The following C6orf132 variants were observed in gnomAD, a reference collection of about 807,000 sequenced individuals.
C6orf132 encodes uncharacterized protein C6orf132.
C6orf132 carries 43 observed loss-of-function variants against 65.3 expected under a neutral mutation model. The ratio of observed to expected loss-of-function variants is 0.66; its 90% CI spans 0.52 to 0.85. The LOEUF (loss-of-function observed/expected upper bound fraction) is 0.85. Among genes scored for constraint, C6orf132 ranks in the 40% least tolerant of loss-of-function variants. The probability of loss-of-function intolerance (pLI) is 0.00; values close to 1 mark genes in which losing one functional copy is unlikely to be tolerated. For synonymous variants in C6orf132, 631 were observed against 654.1 expected, an observed-to-expected ratio of 0.96 and a Z score of 0.54; for missense variants, 1,488 against 1,548.8, an observed-to-expected ratio of 0.96 and a Z score of 0.66.
chr6:42,129,858 C>G (rs1766825024), intron 1 of C6orf132, among the ~76,000 whole-genome samples: 2 of 152,216 alleles, frequency 1.3e-5, no homozygotes, highest in African/African-American at 4.8e-5. Context: ...AGTCTGCTAA[C>G]TGGGACATTG....
At position 42,110,548 on chromosome 6, in the gene C6orf132, T is replaced by C. The variant is rs544889763; in HGVS notation, c.253-257A>G. ...CATAGTATTAGTAAATACTGACCCG[T>C]TGCTCCTAGGGGAAATACAGGGTTA... On this transcript the variant is annotated intron_variant, in intron 2 of 4. Coordinates refer to ENST00000341865, the MANE Select transcript of C6orf132 (RefSeq NM_001164446.3). Among the ~76,000 whole-genome samples, 7 of 152,366 alleles carry C rather than the reference T, an allele frequency of 4.6e-5. No homozygotes were observed. The South Asian group carries it at 1.4e-3, about 32-fold the overall frequency.
At chr6:42,115,660 A>G (rs1766554826) in intron 2 of C6orf132, among the ~76,000 whole-genome samples, 1 of 152,210 alleles carries the variant, frequency 6.6e-6, no homozygotes, top group Non-Finnish European at 1.5e-5. Flanking sequence ...AAATAAAATA[A>G]ATAAATAAAT....
rs9394863 is a variant in C6orf132, at chr6:42,105,251, G to A, written c.2661C>T (p.Gly887=). 132,687 of 1,537,094 alleles carry A rather than the reference G, an allele frequency of 0.086. 9,783 individuals are homozygous for A. Among genetic ancestry groups the A allele is most frequent in the African/African-American group, 0.29 (21,536 of 73,098 alleles). Residue 887 remains glycine (G), a synonymous_variant, in exon 4 of 5, where the codon GGC becomes GGT. Coordinates refer to ENST00000341865, the MANE Select transcript of C6orf132 (RefSeq NM_001164446.3). ...GCACCACAGTGAAGGAGTTGGGCGT[G>A]CCCTGGCTGTGGAAGATGCTGTCAG... ...ASSDSIFHSQ[G]TPNSFTVVPK... is the part of the protein sequence containing the mutation.
chr6:42,105,113 G>T lies in C6orf132; in HGVS notation c.2799C>A (p.His933Gln). Residue 933 changes from histidine to glutamine, a missense_variant, in exon 4 of 5, where the codon CAC (histidine) becomes CAA (glutamine). Coordinates refer to ENST00000341865, the MANE Select transcript of C6orf132 (RefSeq NM_001164446.3). ...CCTGGGGCTCTGGCTTTGTCCAGTT[G>T]TGCCTGCGGCTCAGCTCTGTGCCCT... ...DAEGTELSRR[H>Q]NWTKPEPQAP... 1 of 1,536,986 alleles carries T rather than the reference G, an allele frequency of 6.5e-7. No individual in the cohort carries two copies. The highest frequency in any genetic ancestry group is 8.7e-7 in the Non-Finnish European group (1 of 1,146,844).
intron 2 of C6orf132, among the ~76,000 whole-genome samples, chr6:42,118,104 CCATA>C (rs1766611778): frequency 6.6e-6 from 1 of 152,120 alleles, no homozygotes; most frequent in Non-Finnish European, 1.5e-5. Flanking sequence ...TTCTGTCAGT[CCATA>C]AAGTGTCCCT....
rs948460068 is a variant in C6orf132 at position 42,106,912 on chromosome 6, C to T, written c.1000G>A (p.Ala334Thr). 1.4e-5 allele frequency: 22 copies of T among 1,535,946 alleles called. No homozygotes were observed. The highest frequency in any genetic ancestry group is 1.9e-5 in the Non-Finnish European group (22 of 1,146,388). ...PRKEEGATKK[A>T]PSRLPLPPSF... ...GGAGGCAGTGGGAGTCGGCTGGGAGCCTTCTTGGTGGCCCCCTCTTCCTTT... is the reference window on the plus strand; with the variant it reads ...GGAGGCAGTGGGAGTCGGCTGGGAGTCTTCTTGGTGGCCCCCTCTTCCTTT... Residue 334 changes from alanine to threonine, a missense_variant, in exon 4 of 5, where the codon GCT becomes ACT. Transcript: ENST00000341865.
chr6:42,126,833 T>C, intron 2 of C6orf132: 1 of 404,556 alleles, frequency 2.5e-6, no homozygotes, highest in Non-Finnish European at 4.2e-6. Context: ...GCAACAAGAA[T>C]GAAACTCAGT....
Position 42,115,961 on chromosome 6 carries a change from G to A in C6orf132, c.253-5670C>T, listed in dbSNP as rs150223812. On this transcript the variant is annotated intron_variant, in intron 2 of 4. Transcript: ENST00000341865. ...TTTTTTTTTTTTTTGAGATGGTCTC[G>A]CTGTGTCGCCCAGGCTGGAGTGCAG... Among the ~76,000 whole-genome samples, 893 of 120,038 alleles carry A rather than the reference G, an allele frequency of 7.4e-3. 12 individuals are homozygous for A. The highest frequency in any genetic ancestry group is 0.026 in the African/African-American group (805 of 30,390). 78.7% of individuals were successfully genotyped at this position (120,038 alleles called of 152,430 possible). A position where few individuals can be genotyped will look rare whatever the true frequency, so the allele number is the denominator to read the frequency against.
rs1426972775 is a variant in C6orf132, at chr6:42,106,839, G to A, written c.1073C>T (p.Pro358Leu). The A allele has an allele frequency of 2.0e-6, 3 of 1,535,792 alleles. No homozygotes were observed. Residue 358 changes from proline (P) to leucine (L), a missense_variant, in exon 4 of 5, where the codon CCC becomes CTC. Pro to Leu is a moderately conservative substitution (Grantham distance 98, BLOSUM62 -3). Coordinates refer to ENST00000341865, the MANE Select transcript of C6orf132 (RefSeq NM_001164446.3). Reference sequence around the variant, plus strand: ...GAGCTCCCCAGGGCAGTCTGGCTCGGGGGCCCTGTCTGGGTAGACCTGGGA... The same window carrying A: ...GAGCTCCCCAGGGCAGTCTGGCTCGAGGGCCCTGTCTGGGTAGACCTGGGA... ...PASQVYPDRA[P>L]EPDCPGELKA...
chr6:42,113,293 G>C (rs1309494517), intron 2 of C6orf132, among the ~76,000 whole-genome samples: 1 of 152,194 alleles, frequency 6.6e-6, no homozygotes, highest in Non-Finnish European at 1.5e-5. Flanking sequence ...CAAAAGTCTT[G>C]GGTTCCATTC....
rs1311319434 is a variant in C6orf132, at chr6:42,124,289, CT to C, written c.252+4382del. On this transcript the variant is annotated intron_variant, in intron 2 of 4. Coordinates refer to ENST00000341865, the MANE Select transcript of C6orf132 (RefSeq NM_001164446.3). The surrounding 1 kb of genome is among the most constrained non-coding windows in gnomAD (Gnocchi z 4.0). ...TTGGCTGCTGGATGCCTGATAAACACTTCGTAATTCCCAGCACCCACAGCAC... is the reference window on the plus strand; with the variant it reads ...TTGGCTGCTGGATGCCTGATAAACACTCGTAATTCCCAGCACCCACAGCAC... Among the ~76,000 whole-genome samples, 3 of 152,242 alleles carry C rather than the reference CT, an allele frequency of 2.0e-5. No individual in the cohort carries two copies. The East Asian group carries it at 5.8e-4, about 29-fold the overall frequency.
chr6:42,120,120 A>G (rs1420797225), intron 2 of C6orf132, among the ~76,000 whole-genome samples: 1 of 151,976 alleles, frequency 6.6e-6, no homozygotes, highest in African/African-American at 2.4e-5. Context: ...AACAAAAAAA[A>G]CCCATCATCA....
In C6orf132 at chr6:42,106,487, T is replaced by C. The variant is rs919981913; in HGVS notation, c.1425A>G (p.Ala475=). 6 of 1,536,124 alleles carry C rather than the reference T, an allele frequency of 3.9e-6. No homozygotes were observed. The highest frequency in any genetic ancestry group is 2.0e-5 in the Admixed American group (1 of 50,956). The part of the protein sequence containing the change: ...SQMEKLRNEL[A]AYLCGSRRED... ...CTCTCCTGGAGCCACAGAGATAGGC[T>C]GCCAGCTCGTTCCGCAGCTTTTCCA... Residue 475 remains alanine (A), a synonymous_variant, in exon 4 of 5, where the codon GCA becomes GCG. Coordinates refer to ENST00000341865, the MANE Select transcript of C6orf132 (RefSeq NM_001164446.3).
In C6orf132 at chr6:42,106,838, G is replaced by A. The variant is rs1057369456; in HGVS notation, c.1074C>T (p.Pro358=). 1.7e-5 allele frequency: 26 copies of A among 1,535,540 alleles called. No homozygotes were observed. Among genetic ancestry groups the A allele is most frequent in the Non-Finnish European group, 1.9e-5 (22 of 1,146,654 alleles). The stretch of plus-strand genomic sequence containing the variant: ...TGAGCTCCCCAGGGCAGTCTGGCTC[G>A]GGGGCCCTGTCTGGGTAGACCTGGG... ...PASQVYPDRA[P]EPDCPGELKA... The change falls in exon 4 of 5, where the codon CCC becomes CCT. Residue 358 remains proline (P), a synonymous_variant. Coordinates refer to ENST00000341865, the MANE Select transcript of C6orf132 (RefSeq NM_001164446.3).
At chr6:42,128,980 T>C (rs1766812165) in intron 1 of C6orf132, among the ~76,000 whole-genome samples, 1 of 152,186 alleles carries the variant, frequency 6.6e-6, no homozygotes, top group South Asian at 2.1e-4. Flanking sequence ...TGGCGCTGGG[T>C]GAGGGACTCG....
At chr6:42,136,764 CAG>C (rs1766949723) in intron 1 of C6orf132, among the ~76,000 whole-genome samples, 4 of 152,244 alleles carry the variant, frequency 2.6e-5, no homozygotes, top group African/African-American at 7.2e-5. Context: ...ACCTGAGGAC[CAG>C]AGAGAGGCCT....
In C6orf132 at chr6:42,124,648, C is replaced by A. The variant is rs991112701; in HGVS notation, c.252+4024G>T. On this transcript the variant is annotated intron_variant, in intron 2 of 4. Coordinates refer to ENST00000341865, the MANE Select transcript of C6orf132 (RefSeq NM_001164446.3). This position sits in a 1 kb window ranked among gnomAD's most constrained non-coding sequence, Gnocchi z 4.0. ...GGCACCGGCCCAGCTCCCCACCCAC[C>A]CTGACTTGGTGGGGCTGGGGGACGG... Among the ~76,000 whole-genome samples, 1 of 152,220 alleles carries A rather than the reference C, an allele frequency of 6.6e-6. No individual in the cohort carries two copies. The highest frequency in any genetic ancestry group is 1.5e-5 in the Non-Finnish European group (1 of 68,038).
Position 42,106,301 on chromosome 6 carries a change from C to G in C6orf132, c.1611G>C (p.Leu537=), listed in dbSNP as rs1439130397. The G allele has an allele frequency of 3.3e-6, 5 of 1,536,584 alleles. No individual in the cohort carries two copies. The highest frequency in any genetic ancestry group is 2.7e-5 in the African/African-American group (2 of 72,992). Residue 537 remains leucine (L), a synonymous_variant, in exon 4 of 5, where the codon CTG becomes CTC. Coordinates refer to ENST00000341865, the MANE Select transcript of C6orf132 (RefSeq NM_001164446.3). ...VPEKSLGGSS[L]TETEAAPSLT... is the part of the protein sequence containing the mutation. ...GGCTGGGGGCAGCCTCTGTCTCTGTCAGGCTGCTGCCGCCAAGACTCTTTT... is the reference window on the plus strand; with the variant it reads ...GGCTGGGGGCAGCCTCTGTCTCTGTGAGGCTGCTGCCGCCAAGACTCTTTT...
chr6:42,104,773 C>T lies in C6orf132; in HGVS notation c.3139G>A (p.Gly1047Arg), dbSNP rs1037441117. The T allele has an allele frequency of 1.3e-6, 2 of 1,508,216 alleles. No homozygotes were observed. The allele number at this position is 1,508,216 out of a possible 1,614,324, so 93.4% of individuals were successfully genotyped here. Residue 1047 changes from glycine (G) to arginine (R), a missense_variant, in exon 4 of 5, where the codon GGG becomes AGG. Coordinates refer to ENST00000341865, the MANE Select transcript of C6orf132 (RefSeq NM_001164446.3). This position sits in a 1 kb window ranked among gnomAD's most constrained non-coding sequence, Gnocchi z 4.1. Reference sequence around the variant, plus strand: ...GAGAAGCGCTCCAGGCCCCCAGCCCCGGCGTAGCGCGCGCCCGCGGGAAAG... The same window carrying T: ...GAGAAGCGCTCCAGGCCCCCAGCCCTGGCGTAGCGCGCGCCCGCGGGAAAG... ...SRFPAGARYAGAGGLERFSGG... is the reference protein window; with the variant it reads ...SRFPAGARYARAGGLERFSGG...
Sources: gnomAD v4.1 joint callset for allele counts (sites outside exome capture counted in the v4.1 genomes callset) on GRCh38, gnomAD v4.1.1 for gene constraint, Gnocchi (gnomAD v3.1) non-coding constraint, MANE v1.5 for transcripts, NCBI Gene and HGNC (gene_info 2026-07-23, HGNC 2026-07-21) for gene names.